NSD1: variants seen among roughly 807,000 people sequenced by gnomAD.
NSD1 encodes the protein nuclear receptor binding SET domain protein 1.
In NSD1, 26 loss-of-function variants were observed where a neutral mutation model predicts 242.7. The ratio of observed to expected loss-of-function variants is 0.11; its 90% CI spans 0.08 to 0.15. NSD1 has a LOEUF of 0.15. Among genes scored for constraint, NSD1 ranks in the 10% least tolerant of loss-of-function variants. The pLI, the probability that NSD1 is intolerant of heterozygous loss-of-function variation, is 1.00. For synonymous variants in NSD1, 1,106 were observed against 1,178.1 expected (o/e 0.94, Z 1.25); for missense variants, 2,495 against 3,272.8 (o/e 0.76, Z 5.80).
intron 11 of NSD1, among the ~76,000 whole-genome samples, chr5:177,251,148 C>T (rs1441193485): frequency 6.6e-6 from 1 of 151,730 alleles, no homozygotes; most frequent in African/African-American, 2.4e-5. Flanking sequence ...CAAGATTGCG[C>T]CATTGTACTC....
At chr5:177,274,697 T>TGTGTGTGTG (rs1758217147) in intron 17 of NSD1, among the ~76,000 whole-genome samples, 1 of 145,352 alleles carries the variant, frequency 6.9e-6, no homozygotes, top group African/African-American at 2.5e-5. Context: ...CACTTATCCT[T>TGTGTGTGTG]TGTGTGTGTG....
intron 14 of NSD1, among the ~76,000 whole-genome samples, chr5:177,260,505 C>T (rs1191105988): frequency 6.6e-6 from 1 of 151,884 alleles, no homozygotes; most frequent in Non-Finnish European, 1.5e-5. Flanking sequence ...CGCCACCATG[C>T]CCGACTAATT....
chr5:177,230,671 C>T (rs960640755), intron 5 of NSD1, among the ~76,000 whole-genome samples: 3 of 151,804 alleles, frequency 2.0e-5, no homozygotes, highest in East Asian at 2.0e-4. Context: ...ACTAAAAATC[C>T]GAAAAATGAG....
At chr5:177,279,609 A>ATTTTTTTTTT (rs1457964040) in intron 17 of NSD1, among the ~76,000 whole-genome samples, 1 of 107,788 alleles carries the variant, frequency 9.3e-6, no homozygotes, top group African/African-American at 3.8e-5. Context: ...CAGCTTTGAA[A>ATTTTTTTTTT]ATTTTTTTTT....
intron 14 of NSD1, chr5:177,266,356 G>A (rs1466002645): frequency 1.4e-6 from 1 of 698,168 alleles, no homozygotes; most frequent in African/African-American, 1.8e-5. Flanking sequence ...CGATGACCTT[G>A]CGGGCCCGGC....
upstream of NSD1, among the ~76,000 whole-genome samples, chr5:177,132,863 A>T (rs1755970696): frequency 6.6e-6 from 1 of 152,066 alleles, no homozygotes; most frequent in Admixed American, 6.5e-5. The surrounding 1 kb of genome is among the most constrained non-coding windows in gnomAD (Gnocchi z 7.5). Flanking sequence ...CGCAGGGCCG[A>T]GTCCCCGGCC....
intron 17 of NSD1, among the ~76,000 whole-genome samples, chr5:177,278,476 A>G (rs1758579045): frequency 6.6e-6 from 1 of 152,196 alleles, no homozygotes; most frequent in African/African-American, 2.4e-5. Flanking sequence ...TAGATTTCAT[A>G]ATATTAAAGG....
At chr5:177,179,589 A>G (rs1470389568) in intron 2 of NSD1, among the ~76,000 whole-genome samples, 1 of 152,202 alleles carries the variant, frequency 6.6e-6, no homozygotes, top group Non-Finnish European at 1.5e-5. Flanking sequence ...AGAAAAAAAG[A>G]TGGAGCTGCT....
intron 7 of NSD1, among the ~76,000 whole-genome samples, chr5:177,239,397 G>T (rs1179912202): frequency 6.6e-6 from 1 of 152,072 alleles, no homozygotes; most frequent in Non-Finnish European, 1.5e-5. Context: ...TATAATCTTT[G>T]TCCATTTATG....
chr5:177,254,378 T>C (rs889888833), intron 12 of NSD1, among the ~76,000 whole-genome samples: 1 of 152,156 alleles, frequency 6.6e-6, no homozygotes, highest in Non-Finnish European at 1.5e-5. Flanking sequence ...CTTAACCCAG[T>C]GTCACAAAGT....
At chr5:177,166,581 G>A (rs887218421) in intron 2 of NSD1, among the ~76,000 whole-genome samples, 5 of 151,626 alleles carry the variant, frequency 3.3e-5, no homozygotes, top group South Asian at 2.1e-4. Flanking sequence ...TGGGTGGGGG[G>A]ATTTTAACTT....
chr5:177,143,851 C>G (rs1757019130), intron 2 of NSD1, among the ~76,000 whole-genome samples: 1 of 141,066 alleles, frequency 7.1e-6, no homozygotes, highest in Admixed American at 7.6e-5. Flanking sequence ...ATGGCACGAT[C>G]TTGGCTCACT....
Position 177,209,983 on chromosome 5 carries a change from G to A in NSD1, c.1584G>A (p.Lys528=), listed in dbSNP as rs2149843229. 6.2e-7 allele frequency: 1 copy of A among 1,614,132 alleles called. No individual in the cohort carries two copies. The highest frequency in any genetic ancestry group is 1.1e-5 in the South Asian group (1 of 91,084). The change falls in exon 5 of 23, where the codon AAG becomes AAA. Residue 528 remains lysine (K), a synonymous_variant. Coordinates refer to ENST00000439151, the MANE Select transcript of NSD1 (RefSeq NM_022455.5). Reference sequence around the variant, plus strand: ...CACATAAAGATGAACGGAGGGGAAAGATTCCAGAGAACCTTGGCCTAAACT... The same window carrying A: ...CACATAAAGATGAACGGAGGGGAAAAATTCCAGAGAACCTTGGCCTAAACT... ...FEAHKDERRG[K]IPENLGLNFI...
intron 21 of NSD1, among the ~76,000 whole-genome samples, chr5:177,291,194 T>TGACTTGATGTGTAA (rs1462523121): frequency 1.3e-5 from 2 of 152,252 alleles, no homozygotes; most frequent in African/African-American, 2.4e-5. Context: ...GAAGCTAATT[T>TGACTTGATGTGTAA]GACTTGATGT....
At chr5:177,207,579 G>A (rs1243570521) in intron 4 of NSD1, among the ~76,000 whole-genome samples, 11 of 134,912 alleles carry the variant, frequency 8.2e-5, no homozygotes, top group Middle Eastern at 3.6e-3. Context: ...ACCGTGCCTG[G>A]CCTATTTATT....
In NSD1 at chr5:177,135,175, C is replaced by G; in HGVS notation, c.72C>G (p.Ala24=). Residue 24 remains alanine, a synonymous_variant, in exon 2 of 23, where the codon GCC becomes GCG. Coordinates refer to ENST00000439151, the MANE Select transcript of NSD1 (RefSeq NM_022455.5). The part of the protein sequence containing the change: ...LPFSNPVNLD[A]PEDKDSPFGN... ...TTTCCAATCCAGTGAATTTAGATGC[C>G]CCTGAAGACAAGGACAGCCCTTTCG... 6.2e-7 allele frequency: 1 copy of G among 1,614,082 alleles called. No individual in the cohort carries two copies. The highest frequency in any genetic ancestry group is 8.5e-7 in the Non-Finnish European group (1 of 1,180,002).
At chr5:177,178,288 G>A (rs576654502) in intron 2 of NSD1, among the ~76,000 whole-genome samples, 3 of 152,004 alleles carry the variant, frequency 2.0e-5, no homozygotes, top group Non-Finnish European at 2.9e-5. Flanking sequence ...GTGCAATGGC[G>A]GGATCTCGGC....
rs1765652191 is a variant in NSD1 at position 177,238,974 on chromosome 5, A to G, written c.4192+467A>G. 1.3e-5 allele frequency among the ~76,000 whole-genome samples: 2 copies of G among 152,206 alleles called. No homozygotes were observed. The highest frequency in any genetic ancestry group is 4.1e-4 in the South Asian group (2 of 4,832). On this transcript the variant is annotated intron_variant, in intron 7 of 22. Coordinates refer to ENST00000439151, the MANE Select transcript of NSD1 (RefSeq NM_022455.5). The surrounding 1 kb of genome is among the most constrained non-coding windows in gnomAD (Gnocchi z 4.6). ...CTGACAACATAGTAATTACCAGTTC[A>G]TTAGAAGTTAATTACCAGTTACTTC... is the stretch of plus-strand genomic sequence containing the variant.
At position 177,148,398 on chromosome 5, in the gene NSD1, G is replaced by A. The variant is rs111892585; in HGVS notation, c.927+12368G>A. ...CTCCCAAAGTGCTGGGATTACAGGC[G>A]TGAGCCACGGCGCCCCGCCAATGTT... On this transcript the variant is annotated intron_variant, in intron 2 of 22. Transcript: ENST00000439151. Among the ~76,000 whole-genome samples the A allele has an allele frequency of 2.5e-3, 375 of 152,012 alleles. 1 individual carries two copies. Among genetic ancestry groups the A allele is most frequent in the African/African-American group, 8.6e-3 (357 of 41,454 alleles).
Sources: allele counts gnomAD v4.1 joint callset (sites outside exome capture counted in the v4.1 genomes callset), GRCh38; gene constraint gnomAD v4.1.1; non-coding constraint Gnocchi (gnomAD v3.1); transcripts MANE v1.5; gene names NCBI Gene and HGNC (gene_info 2026-07-23, HGNC 2026-07-21).